The following VHL variants were observed in gnomAD, a reference collection of about 807,000 sequenced individuals.
VHL encodes the protein von Hippel-Lindau tumor suppressor.
Under a neutral mutation model 19.2 loss-of-function variants are expected in VHL, and 10 were observed. That is an observed-to-expected ratio of 0.52 (90% confidence interval 0.32 to 0.89). The LOEUF (loss-of-function observed/expected upper bound fraction) is 0.89, where lower values mean the gene tolerates loss of function less well. Ranked by LOEUF, VHL falls within the 40% of genes least tolerant of loss-of-function variation. The probability of loss-of-function intolerance (pLI) is 0.03; values close to 1 mark genes in which losing one functional copy is unlikely to be tolerated. For missense variants in VHL, 328 were observed against 292.7 expected, an observed-to-expected ratio of 1.12 and a Z score of -0.88; for synonymous variants, 167 against 129.5, an observed-to-expected ratio of 1.29 and a Z score of -1.97.
chr3:10,146,405 A>ACCT, intron 1 of VHL, 109 bp from the exon 2 acceptor site: 1 of 1,439,200 alleles, frequency 6.9e-7, no homozygotes, highest in South Asian at 1.1e-5. Flanking sequence ...TGATCTCCTG[A>ACCT]CCTCATGATC....
rs1353920298 is a variant in VHL at position 10,141,988 on chromosome 3, A to G, written c.141A>G (p.Glu47=). The change falls in exon 1 of 3, where the codon GAA becomes GAG. Residue 47 remains glutamate, a synonymous_variant. Coordinates refer to ENST00000256474, the MANE Select transcript of VHL (RefSeq NM_000551.4). ...GCCCGGAAGAGTCCGGCCCGGAGGA[A>G]CTGGGCGCCGAGGAGGAGATGGAGG... The part of the protein sequence containing the change: ...ESGPEESGPE[E]LGAEEEMEAG... 12 of 1,572,018 alleles carry G rather than the reference A, an allele frequency of 7.6e-6. No individual in the cohort carries two copies. Among genetic ancestry groups the G allele is most frequent in the Non-Finnish European group, 9.5e-6 (11 of 1,160,318 alleles).
Position 10,141,855 on chromosome 3 carries a change from G to A in VHL, c.8G>A (p.Arg3Gln), listed in dbSNP as rs1178481595. 6.5e-7 allele frequency: 1 copy of A among 1,535,690 alleles called. No individual in the cohort carries two copies. The highest frequency in any genetic ancestry group is 1.4e-5 in the African/African-American group (1 of 72,470). MP[R>Q]RAENWDEAEV... ...GTCTGGATCGCGGAGGGAATGCCCCGGAGGGCGGAGAACTGGGACGAGGCC... is the reference window on the plus strand; with the variant it reads ...GTCTGGATCGCGGAGGGAATGCCCCAGAGGGCGGAGAACTGGGACGAGGCC... Residue 3 changes from arginine (R) to glutamine (Q), a missense_variant, in exon 1 of 3, where the codon CGG (arginine) becomes CAG (glutamine). Arg to Gln is a conservative substitution (Grantham distance 43). Transcript: ENST00000256474.
chr3:10,152,452 GCTC>G lies in VHL; in HGVS notation c.*2493_*2495del, dbSNP rs1239804051. ...CTACTCCGAATTTCAACTGATTTTA[GCTC>G]CTCCTTTCAACATTCAACAAATAGT... On this transcript the variant is annotated 3_prime_UTR_variant, in exon 3 of 3. Transcript: ENST00000256474. Among the ~76,000 whole-genome samples the G allele has an allele frequency of 1.8e-4, 26 of 143,002 alleles. No homozygotes were observed. The highest frequency in any genetic ancestry group is 1.2e-3 in the East Asian group (6 of 4,894). 93.8% of individuals were successfully genotyped at this position (143,002 alleles called of 152,430 possible). A position where few individuals can be genotyped will look rare whatever the true frequency, so the allele number is the denominator to read the frequency against.
At chr3:10,142,226 A>T in intron 1 of VHL, 39 bp downstream of exon 1, 1 of 1,580,310 alleles carries the variant, frequency 6.3e-7, no homozygotes, top group Non-Finnish European at 8.5e-7. Flanking sequence ...AGCAGGGACG[A>T]TAGCACGGTC....
At chr3:10,145,871 A>G (rs368096333) in intron 1 of VHL, among the ~76,000 whole-genome samples, 2 of 152,156 alleles carry the variant, frequency 1.3e-5, no homozygotes, top group East Asian at 1.9e-4. Flanking sequence ...TTTAGTTTGC[A>G]GGGTTTGCTG....
At chr3:10,145,623 A>G (rs984424146) in intron 1 of VHL, among the ~76,000 whole-genome samples, 1 of 151,132 alleles carries the variant, frequency 6.6e-6, no homozygotes, top group South Asian at 2.1e-4. Flanking sequence ...GGAGAATGGC[A>G]TAAACCTGGG....
chr3:10,150,212 AT>A lies in VHL; in HGVS notation c.*252del. ...GTATTTATCAGGAGAAGGTGGTGGC[AT>A]TTTTGCTTCCTAGTAAGTCAGGACA... On this transcript the variant is annotated 3_prime_UTR_variant, in exon 3 of 3. Coordinates refer to ENST00000256474, the MANE Select transcript of VHL (RefSeq NM_000551.4). 1 of 1,364,856 alleles carries A rather than the reference AT, an allele frequency of 7.3e-7. No homozygotes were observed. Among genetic ancestry groups the A allele is most frequent in the Non-Finnish European group, 9.5e-7 (1 of 1,055,238 alleles). 84.5% of individuals were successfully genotyped at this position (1,364,856 alleles called of 1,614,324 possible). A position where few individuals can be genotyped will look rare whatever the true frequency, so the allele number is the denominator to read the frequency against.
chr3:10,142,445 A>G lies in VHL; in HGVS notation c.340+258A>G, dbSNP rs548236450. 50 of 506,252 alleles carry G rather than the reference A, an allele frequency of 9.9e-5. 1 individual carries two copies. In the South Asian group the frequency reaches 1.1e-3, roughly 11 times the overall value. 31.4% of individuals were successfully genotyped at this position (506,252 alleles called of 1,614,324 possible). A position where few individuals can be genotyped will look rare whatever the true frequency, so the allele number is the denominator to read the frequency against. On this transcript the variant is annotated intron_variant, in intron 1 of 2. Coordinates refer to ENST00000256474, the MANE Select transcript of VHL (RefSeq NM_000551.4). ...ACTGCAGCCTCCGCCTCCCGGGTTC[A>G]AGCGATTCTCCTGCCTCAGCCTCCT...
At chr3:10,144,083 A>T (rs1375662317) in intron 1 of VHL, among the ~76,000 whole-genome samples, 2 of 152,160 alleles carry the variant, frequency 1.3e-5, no homozygotes, top group Non-Finnish European at 2.9e-5. Flanking sequence ...ATTTCCAGGG[A>T]TCAACATTTC....
In VHL at chr3:10,152,460, T is replaced by C. The variant is rs929292434; in HGVS notation, c.*2495T>C. Among the ~76,000 whole-genome samples the C allele has an allele frequency of 1.3e-5, 2 of 149,584 alleles. No homozygotes were observed. The highest frequency in any genetic ancestry group is 3.0e-5 in the Non-Finnish European group (2 of 67,434). ...AATTTCAACTGATTTTAGCTCCTCC[T>C]TTCAACATTCAACAAATAGTCTTTT... On this transcript the variant is annotated 3_prime_UTR_variant, in exon 3 of 3. Coordinates refer to ENST00000256474, the MANE Select transcript of VHL (RefSeq NM_000551.4).
intron 1 of VHL, among the ~76,000 whole-genome samples, chr3:10,144,494 G>GTTTTTTT (rs1696205775): frequency 5.7e-5 from 4 of 70,454 alleles, no homozygotes; most frequent in Admixed American, 1.8e-4. Context: ...TCTCTATCTT[G>GTTTTTTT]TCTTTTTTTT....
chr3:10,152,709 C>G lies in VHL; in HGVS notation c.*2744C>G, dbSNP rs1180233559. On this transcript the variant is annotated 3_prime_UTR_variant, in exon 3 of 3. Transcript: ENST00000256474. ...GTTTCACCATGTTGTCCAGGATGGT[C>G]TTGATCTCCTGACCTTGTGATCCAC... Among the ~76,000 whole-genome samples, 1 of 150,848 alleles carries G rather than the reference C, an allele frequency of 6.6e-6. No individual in the cohort carries two copies. The highest frequency in any genetic ancestry group is 1.5e-5 in the Non-Finnish European group (1 of 67,784).
At position 10,143,117 on chromosome 3, in the gene VHL, AT is replaced by A. The variant is rs35658375; in HGVS notation, c.340+945del. On this transcript the variant is annotated intron_variant, in intron 1 of 2. Coordinates refer to ENST00000256474, the MANE Select transcript of VHL (RefSeq NM_000551.4). ...CCCCTAGGAATATGGGGGCACTGAA[AT>A]TTTTTTTTTTTTTTGAGACGGGAGT... 631 of 146,312 alleles carry A rather than the reference AT, an allele frequency of 4.3e-3. 1 individual carries two copies. The highest frequency in any genetic ancestry group is 6.8e-3 in the Admixed American group (99 of 14,638). The allele number at this position is 146,312 out of a possible 1,614,324, so 9.1% of individuals were successfully genotyped here.
intron 1 of VHL, among the ~76,000 whole-genome samples, chr3:10,145,661 G>T: frequency 6.7e-6 from 1 of 148,388 alleles, no homozygotes; most frequent in Middle Eastern, 3.6e-3. Context: ...AGCCGAGATC[G>T]TGCCACTGCA....
rs1365127357 is a variant in VHL at position 10,146,773 on chromosome 3, A to G, written c.463+137A>G. On this transcript the variant is annotated intron_variant, in intron 2 of 2. Coordinates refer to ENST00000256474, the MANE Select transcript of VHL (RefSeq NM_000551.4). ...CCAATCTTTTTGTATCCTATTCTCT[A>G]CCATAAATAAAATGGAAGTGATGTA... 4 of 1,150,920 alleles carry G rather than the reference A, an allele frequency of 3.5e-6. No homozygotes were observed. In the African/African-American group the frequency reaches 4.6e-5, roughly 13 times the overall value. 71.3% of individuals were successfully genotyped at this position (1,150,920 alleles called of 1,614,324 possible). A position where few individuals can be genotyped will look rare whatever the true frequency, so the allele number is the denominator to read the frequency against.
Position 10,153,263 on chromosome 3 carries a change from G to A in VHL, c.*3298G>A, listed in dbSNP as rs1575937244. On this transcript the variant is annotated 3_prime_UTR_variant, in exon 3 of 3. Transcript: ENST00000256474. The stretch of plus-strand genomic sequence containing the variant: ...ACTGCACTCTAACCTGGGCGACAGA[G>A]TGAGACACCGTCTCAAAAAAAAAAA... Among the ~76,000 whole-genome samples the A allele has an allele frequency of 6.6e-6, 1 of 151,754 alleles. No homozygotes were observed. The highest frequency in any genetic ancestry group is 2.4e-5 in the African/African-American group (1 of 41,330).
rs1696462317 is a variant in VHL at position 10,153,288 on chromosome 3, A to C, written c.*3323A>C. ...GTGAGACACCGTCTCAAAAAAAAAAACAAAAAACAAAAATTATCCAGGTGT... is the reference window on the plus strand; with the variant it reads ...GTGAGACACCGTCTCAAAAAAAAAACCAAAAAACAAAAATTATCCAGGTGT... On this transcript the variant is annotated 3_prime_UTR_variant, in exon 3 of 3. Transcript: ENST00000256474. Among the ~76,000 whole-genome samples, 1 of 151,830 alleles carries C rather than the reference A, an allele frequency of 6.6e-6. No homozygotes were observed. The highest frequency in any genetic ancestry group is 2.1e-4 in the South Asian group (1 of 4,798).
At chr3:10,142,274 CGGGG>C in intron 1 of VHL, 87 bp downstream of exon 1, 5 of 1,493,288 alleles carry the variant, frequency 3.3e-6, no homozygotes, top group Non-Finnish European at 4.5e-6. Flanking sequence ...ATTTTGCAGA[CGGGG>C]AACTGAGGCC....
chr3:10,149,120 T>C (rs1696338253), intron 2 of VHL, among the ~76,000 whole-genome samples: 1 of 151,140 alleles, frequency 6.6e-6, no homozygotes, highest in African/African-American at 2.4e-5. Context: ...TTTTCTTTTT[T>C]CTTTTTTTTC....
Sources: allele counts gnomAD v4.1 joint callset (sites outside exome capture counted in the v4.1 genomes callset), GRCh38; gene constraint gnomAD v4.1.1; transcripts MANE v1.5; gene names NCBI Gene and HGNC (gene_info 2026-07-23, HGNC 2026-07-21).